Variants in CLASP1 observed in about 807,000 individuals in gnomAD.
CLASP1 encodes the protein CLIP-associating protein 1.
A neutral mutation model predicts 192.3 loss-of-function variants in CLASP1; 38 were observed. The ratio of observed to expected loss-of-function variants is 0.20; its 90% CI spans 0.15 to 0.26. The LOEUF is 0.26. Among genes scored for constraint, CLASP1 ranks in the 10% least tolerant of loss-of-function variants. CLASP1 has a pLI of 1.00. For synonymous variants in CLASP1, 691 were observed against 712.8 expected (o/e 0.97, Z 0.49); for missense variants, 1,433 against 1,932.5 (o/e 0.74, Z 4.85).
intron 2 of CLASP1, among the ~76,000 whole-genome samples, chr2:121,569,541 C>A (rs1443387377): frequency 1.3e-5 from 2 of 151,184 alleles, no homozygotes; most frequent in Non-Finnish European, 2.9e-5. Flanking sequence ...AGTGATAGAA[C>A]CCAATTTATG....
intron 33 of CLASP1, among the ~76,000 whole-genome samples, chr2:121,381,451 C>T (rs763581108): frequency 1.3e-5 from 2 of 152,168 alleles, no homozygotes; most frequent in Non-Finnish European, 2.9e-5. Context: ...TTATAAAAAG[C>T]ATCCCCAAGA....
chr2:121,611,876 TGGA>T (rs1256384733), intron 1 of CLASP1, among the ~76,000 whole-genome samples: 5 of 133,786 alleles, frequency 3.7e-5, no homozygotes, highest in Admixed American at 7.5e-5. Context: ...AAAGAGGAAC[TGGA>T]GGAGGAGGAG....
intron 23 of CLASP1, among the ~76,000 whole-genome samples, chr2:121,416,941 T>C (rs1478311229): frequency 6.6e-6 from 1 of 152,234 alleles, no homozygotes; most frequent in Non-Finnish European, 1.5e-5. Flanking sequence ...CTGTTGTTCT[T>C]GCTGGACATA....
At chr2:121,627,278 C>A (rs563890664) in intron 1 of CLASP1, among the ~76,000 whole-genome samples, 1 of 152,210 alleles carries the variant, frequency 6.6e-6, no homozygotes, top group South Asian at 2.1e-4. Flanking sequence ...ATAATTATTT[C>A]ACAATAGGAA....
At chr2:121,383,533 C>T (rs2072289768) in intron 32 of CLASP1, among the ~76,000 whole-genome samples, 1 of 151,956 alleles carries the variant, frequency 6.6e-6, no homozygotes, top group African/African-American at 2.4e-5. Context: ...CCCTGTTAAG[C>T]CCCACTTTGA....
At chr2:121,448,060 C>A (rs1456475772) in intron 18 of CLASP1, among the ~76,000 whole-genome samples, 1 of 152,238 alleles carries the variant, frequency 6.6e-6, no homozygotes, top group Non-Finnish European at 1.5e-5. Context: ...GAGCTTCATT[C>A]CTAAGTCACC....
rs114687025 is a variant in CLASP1 at position 121,595,104 on chromosome 2, T to C, written c.195+10597A>G. ...TGTGGGGTACGTCCTTACACCCTTT[T>C]CTTTTATGCTCCAATAAATGCTACT... On this transcript the variant is annotated intron_variant, in intron 2 of 39. Transcript: ENST00000263710. 7.4e-4 allele frequency among the ~76,000 whole-genome samples: 112 copies of C among 152,354 alleles called. 2 individuals carry two copies. Among genetic ancestry groups the C allele is most frequent in the African/African-American group, 2.6e-3 (108 of 41,590 alleles).
intron 38 of CLASP1, 105 bp from the exon 40 acceptor site, chr2:121,347,259 G>T: frequency 1.3e-6 from 1 of 763,192 alleles, no homozygotes; most frequent in Non-Finnish European, 2.2e-6. Flanking sequence ...TTCAACCTTG[G>T]ACTTGTCAGT....
chr2:121,585,740 A>T (rs761371844), intron 2 of CLASP1, among the ~76,000 whole-genome samples: 6 of 152,030 alleles, frequency 3.9e-5, no homozygotes, highest in African/African-American at 1.4e-4. Flanking sequence ...TCTACTAAAA[A>T]TACAAAATTA....
At chr2:121,407,999 A>G in intron 24 of CLASP1, 2 of 515,104 alleles carry the variant, frequency 3.9e-6, no homozygotes, top group South Asian at 1.8e-5. Context: ...TGGTGCCAAC[A>G]CTGACTGGGC....
Position 121,451,007 on chromosome 2 carries a change from G to A in CLASP1, c.1446-17C>T, listed in dbSNP as rs1294661563. On this transcript the variant is annotated splice_polypyrimidine_tract_variant and intron_variant, in intron 15 of 39. Transcript: ENST00000263710. ...GATATGTGTCTAGATATTTAGAAAA[G>A]AAAGCAGTAACAATCATAAATGTAT... is the stretch of plus-strand genomic sequence containing the variant. The A allele has an allele frequency of 7.4e-6, 11 of 1,477,870 alleles. No individual in the cohort carries two copies. Among genetic ancestry groups the A allele is most frequent in the Non-Finnish European group, 1.0e-5 (11 of 1,062,504 alleles). The allele number at this position is 1,477,870 out of a possible 1,614,324, so 91.5% of individuals were successfully genotyped here. A position where few individuals can be genotyped will look rare whatever the true frequency, so the allele number is the denominator to read the frequency against.
At chr2:121,478,742 CCA>C (rs1559366384) in intron 8 of CLASP1, among the ~76,000 whole-genome samples, 25 of 45,138 alleles carry the variant, frequency 5.5e-4, no homozygotes, top group African/African-American at 1.8e-3. Flanking sequence ...CACACACACC[CCA>C]CACACACCAC....
At position 121,606,175 on chromosome 2, in the gene CLASP1, T is replaced by C. The variant is rs553709123; in HGVS notation, c.-280A>G. ...TCTGAAATACTTCATAATTCAGCAG[T>C]CCATTCTGAAAAGTAAGAGAAGAGA... On this transcript the variant is annotated 5_prime_UTR_variant, in exon 2 of 40. Transcript: ENST00000263710. 2.1e-5 allele frequency: 10 copies of C among 467,484 alleles called. No homozygotes were observed. The East Asian group carries it at 3.2e-4, about 15-fold the overall frequency. The allele number at this position is 467,484 out of a possible 1,614,324, so 29.0% of individuals were successfully genotyped here.
chr2:121,478,803 CACA>C (rs2092126887), intron 8 of CLASP1, among the ~76,000 whole-genome samples: 6 of 37,282 alleles, frequency 1.6e-4, no homozygotes, highest in Non-Finnish European at 3.8e-4. Context: ...CCACACACCA[CACA>C]CACACCCCAC....
rs1178519415 is a variant in CLASP1, at chr2:121,439,154, T to G, written c.1912+8183A>C. 2.0e-5 allele frequency among the ~76,000 whole-genome samples: 3 copies of G among 152,212 alleles called. No individual in the cohort carries two copies. In the East Asian group the frequency reaches 5.8e-4, roughly 29 times the overall value. Reference sequence around the variant, plus strand: ...TAGTATTCTCTGATGGTAGTTTGTATTTCTGTGGGATCAGTGGTGATATCC... The same window carrying G: ...TAGTATTCTCTGATGGTAGTTTGTAGTTCTGTGGGATCAGTGGTGATATCC... On this transcript the variant is annotated intron_variant, in intron 19 of 39. Coordinates refer to ENST00000263710, the Ensembl canonical transcript of CLASP1.
rs2064375679 is a variant in CLASP1, at chr2:121,606,042, A to AATGC, written c.-151_-148dup. 1 of 647,206 alleles carries AATGC rather than the reference A, an allele frequency of 1.5e-6. No individual in the cohort carries two copies. Among genetic ancestry groups the AATGC allele is most frequent in the Non-Finnish European group, 2.7e-6 (1 of 375,314 alleles). 40.1% of individuals were successfully genotyped at this position (647,206 alleles called of 1,614,324 possible). On this transcript the variant is annotated 5_prime_UTR_variant, in exon 2 of 40. In the 5' UTR this introduces an upstream ATG that the reference lacks. Coordinates refer to ENST00000263710, the Ensembl canonical transcript of CLASP1. ...AAGATGCAATCTGGGGAATGGCAAC[A>AATGC]ATGCACCATGTGTGTCTGAAGAGCA...
exon 40 of CLASP1, chr2:121,338,341 C>T (rs2149060880): frequency 6.6e-6 from 1 of 152,432 alleles, no homozygotes; most frequent in Middle Eastern, 3.4e-3. Context: ...TGCACCCTGC[C>T]CAGACCCTGG....
At chr2:121,452,243 G>A (rs559257589) in intron 14 of CLASP1, among the ~76,000 whole-genome samples, 18 of 152,062 alleles carry the variant, frequency 1.2e-4, no homozygotes, top group African/African-American at 3.6e-4. Context: ...CATTAATTTC[G>A]GAGAATGCTT....
chr2:121,450,288 A>G (rs1161249997), intron 16 of CLASP1, among the ~76,000 whole-genome samples: 3 of 151,520 alleles, frequency 2.0e-5, no homozygotes, highest in Non-Finnish European at 4.4e-5. Flanking sequence ...CCGAGATTGC[A>G]CCACTGCACT....
Sources: gnomAD v4.1 joint callset for allele counts (sites outside exome capture counted in the v4.1 genomes callset) on GRCh38, gnomAD v4.1.1 for gene constraint, MANE v1.5 for transcripts, NCBI Gene and HGNC (gene_info 2026-07-23, HGNC 2026-07-21) for gene names.